Variants in ALPL observed in about 807,000 individuals in gnomAD.
ALPL encodes the protein alkaline phosphatase, biomineralization associated, also known as alkaline phosphatase, tissue-nonspecific isozyme.
A neutral mutation model predicts 51.3 loss-of-function variants in ALPL; 42 were observed. The ratio of observed to expected loss-of-function variants is 0.82; its 90% CI spans 0.64 to 1.06. The LOEUF (loss-of-function observed/expected upper bound fraction) is 1.06, where lower values mean the gene tolerates loss of function less well. Among genes scored for constraint, ALPL ranks in the 50% least tolerant of loss-of-function variants. The pLI, the probability that ALPL is intolerant of heterozygous loss-of-function variation, is 0.00. For synonymous variants in ALPL, 279 were observed against 296.4 expected (o/e 0.94, Z 0.60); for missense variants, 589 against 709.4 (o/e 0.83, Z 1.93).
At chr1:21,558,716 T>C (rs1378299589) in intron 2 of ALPL, among the ~76,000 whole-genome samples, 1 of 151,806 alleles carries the variant, frequency 6.6e-6, no homozygotes, top group African/African-American at 2.4e-5. Flanking sequence ...ATGAGGGTAG[T>C]GGGCTGAGGG....
rs150279328 is a variant in ALPL, at chr1:21,543,404, A to G, written c.-104-10574A>G. Among the ~76,000 whole-genome samples the G allele has an allele frequency of 1.5e-3, 234 of 152,148 alleles. 2 individuals are homozygous for G. The highest frequency in any genetic ancestry group is 5.2e-3 in the African/African-American group (216 of 41,504). The stretch of plus-strand genomic sequence containing the variant: ...ATTAGCCCCTCGACAACTTTTCACA[A>G]ATATACACACGTTTAACTACTTCTC... On this transcript the variant is annotated intron_variant, in intron 1 of 11. Coordinates refer to ENST00000374840, the MANE Select transcript of ALPL (RefSeq NM_000478.6).
intron 1 of ALPL, among the ~76,000 whole-genome samples, chr1:21,525,785 C>T (rs1316351141): frequency 6.6e-6 from 1 of 152,104 alleles, no homozygotes; most frequent in African/African-American, 2.4e-5. Context: ...GTCAGGAGTT[C>T]GAGACCAGCC....
At chr1:21,522,287 G>C (rs968604802) in intron 1 of ALPL, among the ~76,000 whole-genome samples, 4 of 152,132 alleles carry the variant, frequency 2.6e-5, no homozygotes, top group Admixed American at 2.6e-4. Context: ...TGTTAGCCAG[G>C]ATGGTCTCCA....
intron 1 of ALPL, among the ~76,000 whole-genome samples, chr1:21,533,360 A>G (rs1644055124): frequency 6.6e-6 from 1 of 152,176 alleles, no homozygotes; most frequent in African/African-American, 2.4e-5. Context: ...CTATACAGAC[A>G]TCTCCTTTCA....
intron 1 of ALPL, among the ~76,000 whole-genome samples, chr1:21,543,535 C>T (rs576028940): frequency 2.0e-5 from 3 of 152,076 alleles, no homozygotes; most frequent in South Asian, 4.2e-4. Flanking sequence ...TGCCATGAGC[C>T]GAGATCACGC....
intron 1 of ALPL, among the ~76,000 whole-genome samples, chr1:21,538,278 TTCCTG>T (rs1350830612): frequency 7.9e-5 from 12 of 152,260 alleles, no homozygotes; most frequent in Admixed American, 3.9e-4. Context: ...AGGCCCCAGT[TTCCTG>T]TCTGGGGCTC....
At chr1:21,560,861 G>A (rs1474232653) in intron 3 of ALPL, 116 bp downstream of exon 3, 6 of 1,389,170 alleles carry the variant, frequency 4.3e-6, no homozygotes, top group Non-Finnish European at 5.0e-6. Context: ...GAGGAAGGGT[G>A]TTTAAAAGGA....
In ALPL at chr1:21,577,461, C is replaced by T; in HGVS notation, c.1388C>T (p.Ser463Phe). The T allele has an allele frequency of 6.2e-7, 1 of 1,611,264 alleles. No homozygotes were observed. ...THGGEDVAVFSKGPMAHLLHG... is the reference protein window; with the variant it reads ...THGGEDVAVFFKGPMAHLLHG... ...GGCGGGGAGGACGTGGCCGTCTTCT[C>T]CAAGGGCCCCATGGCGCACCTGCTG... The change falls in exon 12 of 12, where the codon TCC becomes TTC. Residue 463 changes from serine (S) to phenylalanine (F), a missense_variant. By Grantham distance (155) the Ser-to-Phe change is radical (BLOSUM62 -2). Transcript: ENST00000374840.
In ALPL at chr1:21,570,215, G is replaced by A. The variant is rs1009390555; in HGVS notation, c.793-90G>A. The A allele has an allele frequency of 5.3e-6, 7 of 1,325,978 alleles. No individual in the cohort carries two copies. In the African/African-American group the frequency reaches 8.6e-5, roughly 16 times the overall value. 82.1% of individuals were successfully genotyped at this position (1,325,978 alleles called of 1,614,324 possible). A position where few individuals can be genotyped will look rare whatever the true frequency, so the allele number is the denominator to read the frequency against. On this transcript the variant is annotated intron_variant, in intron 7 of 11. Transcript: ENST00000374840. ...ATTTTTAAGTGAGGGAAGGAAACAA[G>A]TAAAGGCCTCAGACTCTGATAGCTG...
chr1:21,511,845 T>G (rs1385561698), intron 1 of ALPL, among the ~76,000 whole-genome samples: 1 of 152,152 alleles, frequency 6.6e-6, no homozygotes, highest in Non-Finnish European at 1.5e-5. Context: ...GGATATGATC[T>G]TGGAAAGGGG....
intron 1 of ALPL, among the ~76,000 whole-genome samples, chr1:21,514,075 A>G (rs948252223): frequency 6.6e-6 from 1 of 152,218 alleles, no homozygotes; most frequent in African/African-American, 2.4e-5. Flanking sequence ...AATATGGGAC[A>G]CGTGGACACT....
chr1:21,536,002 AACCAGTCATT>A (rs1215776542), intron 1 of ALPL, among the ~76,000 whole-genome samples: 3 of 152,336 alleles, frequency 2.0e-5, no homozygotes, highest in Non-Finnish European at 4.4e-5. Flanking sequence ...GGTGAATTAT[AACCAGTCATT>A]ACCAAACTGA....
chr1:21,554,351 C>A, intron 2 of ALPL, among the ~76,000 whole-genome samples: 1 of 148,630 alleles, frequency 6.7e-6, no homozygotes. Context: ...CACACATACA[C>A]ATATATGAAA....
Position 21,564,024 on chromosome 1 carries a change from C to G in ALPL, c.473-17C>G. On this transcript the variant is annotated splice_polypyrimidine_tract_variant and intron_variant, in intron 5 of 11. Transcript: ENST00000374840. The surrounding 1 kb of genome is among the most constrained non-coding windows in gnomAD (Gnocchi z 5.8). ...CGATCTGTGGATAAAGCCAAACCCG[C>G]CCCTCCTGCACCCCAGGGAAATCTG... 6.2e-7 allele frequency: 1 copy of G among 1,613,158 alleles called. No individual in the cohort carries two copies. Among genetic ancestry groups the G allele is most frequent in the Non-Finnish European group, 8.5e-7 (1 of 1,179,930 alleles).
chr1:21,569,168 T>C (rs1345180023), intron 7 of ALPL, among the ~76,000 whole-genome samples: 3 of 152,032 alleles, frequency 2.0e-5, no homozygotes, highest in Non-Finnish European at 2.9e-5. Flanking sequence ...TTTGAACCCT[T>C]TCCATCCCTT....
intron 1 of ALPL, among the ~76,000 whole-genome samples, chr1:21,553,012 G>A (rs905525144): frequency 6.6e-6 from 1 of 152,018 alleles, no homozygotes; most frequent in Non-Finnish European, 1.5e-5. Flanking sequence ...AGACCACAGT[G>A]TAAAAACATT....
rs1644718775 is a variant in ALPL, at chr1:21,575,730, A to G, written c.998-3A>G. ...ACCGAGGCCTTTGCCTTGGTGTCCC[A>G]AGGAGGCAGAATTGACCACGGGCAC... is the stretch of plus-strand genomic sequence containing the variant. On this transcript the variant is annotated splice_region_variant and splice_polypyrimidine_tract_variant and intron_variant, in intron 9 of 11. Transcript: ENST00000374840. The G allele has an allele frequency of 1.2e-6, 2 of 1,613,910 alleles. No individual in the cohort carries two copies. Among genetic ancestry groups the G allele is most frequent in the African/African-American group, 2.7e-5 (2 of 74,868 alleles).
intron 10 of ALPL, 131 bp from the exon 11 acceptor site, chr1:21,576,391 C>A: frequency 7.9e-7 from 1 of 1,271,256 alleles, no homozygotes; most frequent in Non-Finnish European, 1.1e-6. Context: ...AAGGTGGCTT[C>A]TTGGAGGCAT....
intron 1 of ALPL, among the ~76,000 whole-genome samples, chr1:21,552,866 C>T (rs1347496885): frequency 2.0e-5 from 3 of 152,170 alleles, no homozygotes; most frequent in Admixed American, 1.3e-4. Flanking sequence ...GGTGTCATAT[C>T]TTGGTTTTGG....
Sources: allele counts gnomAD v4.1 joint callset (sites outside exome capture counted in the v4.1 genomes callset), GRCh38; gene constraint gnomAD v4.1.1; non-coding constraint Gnocchi (gnomAD v3.1); transcripts MANE v1.5; gene names NCBI Gene and HGNC (gene_info 2026-07-23, HGNC 2026-07-21).